The following SYNDIG1L variants were observed in gnomAD, a reference collection of about 807,000 sequenced individuals.
The protein encoded by SYNDIG1L is synapse differentiation inducing 1 like.
SYNDIG1L carries 13 observed loss-of-function variants against 20.1 expected under a neutral mutation model. The observed-to-expected ratio is 0.65, with a 90% CI of 0.42 to 1.03. The LOEUF (loss-of-function observed/expected upper bound fraction) is 1.03, where lower values mean the gene tolerates loss of function less well. SYNDIG1L is among the 50% of genes least tolerant of loss of function. The probability of loss-of-function intolerance (pLI) is 0.00; values close to 1 mark genes in which losing one functional copy is unlikely to be tolerated. For synonymous variants in SYNDIG1L, 128 were observed against 129.3 expected (o/e 0.99, Z 0.07); for missense variants, 294 against 305.1 (o/e 0.96, Z 0.27).
At chr14:74,420,187 A>G (rs2086210088) in intron 1 of SYNDIG1L, among the ~76,000 whole-genome samples, 1 of 151,982 alleles carries the variant, frequency 6.6e-6, no homozygotes, top group Non-Finnish European at 1.5e-5. Flanking sequence ...ACTTGAGGTC[A>G]GGAGTTTGAG....
chr14:74,452,555 T>C, the SYNDIG1L span, among the ~76,000 whole-genome samples: 1 of 152,242 alleles, frequency 6.6e-6, no homozygotes, highest in Non-Finnish European at 1.5e-5. Flanking sequence ...TCCCCAGCCA[T>C]GTGGAACTGT....
the SYNDIG1L span, chr14:74,471,863 T>C: frequency 6.6e-6 from 1 of 152,360 alleles, no homozygotes; most frequent in East Asian, 1.9e-4. Flanking sequence ...GTACCCATGG[T>C]TCTCTGACTC....
chr14:74,410,818 C>T (rs1343734806), intron 1 of SYNDIG1L, among the ~76,000 whole-genome samples: 1 of 152,158 alleles, frequency 6.6e-6, no homozygotes, highest in African/African-American at 2.4e-5. Context: ...AGGGATACAC[C>T]TTAGTAACTT....
At chr14:74,419,087 C>T (rs1214812574) in intron 1 of SYNDIG1L, among the ~76,000 whole-genome samples, 2 of 152,128 alleles carry the variant, frequency 1.3e-5, no homozygotes, top group Non-Finnish European at 2.9e-5. Context: ...CTTCACTTCC[C>T]ATCTCTGTTT....
intron 1 of SYNDIG1L, among the ~76,000 whole-genome samples, chr14:74,414,196 G>A (rs555562187): frequency 1.1e-4 from 17 of 152,350 alleles, no homozygotes; most frequent in East Asian, 7.7e-4. Flanking sequence ...GAGGACCTAC[G>A]GGTGAGTGTG....
At chr14:74,461,759 AT>A in the SYNDIG1L span, among the ~76,000 whole-genome samples, 2 of 150,682 alleles carry the variant, frequency 1.3e-5, no homozygotes, top group African/African-American at 4.9e-5. Context: ...TTACCCCAAA[AT>A]TTAGCAGCAT....
chr14:74,435,169 C>G, the SYNDIG1L span, among the ~76,000 whole-genome samples: 1 of 151,992 alleles, frequency 6.6e-6, no homozygotes, highest in Non-Finnish European at 1.5e-5. Flanking sequence ...CCTGGCCTTG[C>G]CCTCCATCCT....
At chr14:74,462,805 A>T in the SYNDIG1L span, among the ~76,000 whole-genome samples, 1 of 152,138 alleles carries the variant, frequency 6.6e-6, no homozygotes, top group South Asian at 2.1e-4. Context: ...ATGAGCCATT[A>T]TTCTTAGCCT....
chr14:74,458,887 T>G, the SYNDIG1L span, among the ~76,000 whole-genome samples: 1 of 152,220 alleles, frequency 6.6e-6, no homozygotes, highest in Admixed American at 6.5e-5. Context: ...CACTTTTCCC[T>G]GCACCCTCTG....
the SYNDIG1L span, among the ~76,000 whole-genome samples, chr14:74,438,290 G>A: frequency 6.6e-6 from 1 of 152,168 alleles, no homozygotes; most frequent in Non-Finnish European, 1.5e-5. Context: ...AAAACTTTTG[G>A]TTTCAGAGTA....
At chr14:74,422,186 C>T (rs1469253456) in intron 1 of SYNDIG1L, among the ~76,000 whole-genome samples, 6 of 152,132 alleles carry the variant, frequency 3.9e-5, no homozygotes, top group Admixed American at 6.5e-5. Flanking sequence ...TTTCAGCATC[C>T]GGCCCCACTC....
At chr14:74,470,504 G>A in the SYNDIG1L span, among the ~76,000 whole-genome samples, 149 of 152,304 alleles carry the variant, frequency 9.8e-4, 2 homozygotes, top group South Asian at 0.03. Flanking sequence ...AAATGAAGGC[G>A]GTAGGCATAG....
intron 2 of SYNDIG1L, among the ~76,000 whole-genome samples, chr14:74,408,359 T>C (rs1288689408): frequency 1.3e-5 from 2 of 151,094 alleles, no homozygotes; most frequent in African/African-American, 4.9e-5. Context: ...AGGTCAGGAG[T>C]TCGAGGCCAG....
At chr14:74,474,125 A>G in the SYNDIG1L span, 1 of 152,328 alleles carries the variant, frequency 6.6e-6, no homozygotes, top group Non-Finnish European at 1.5e-5. Context: ...TTGTATTTCC[A>G]AGCTACACAT....
At chr14:74,408,104 G>A (rs1414295992) in intron 2 of SYNDIG1L, 115 bp from the exon 3 acceptor site, 3 of 1,300,502 alleles carry the variant, frequency 2.3e-6, no homozygotes, top group African/African-American at 1.5e-5. Flanking sequence ...GCAACAAGCA[G>A]TCTCTTCTGC....
At chr14:74,475,148 T>C in the SYNDIG1L span, among the ~76,000 whole-genome samples, 1 of 151,974 alleles carries the variant, frequency 6.6e-6, no homozygotes, top group Non-Finnish European at 1.5e-5. Flanking sequence ...GACAAATGCA[T>C]GGCAAATGCC....
chr14:74,420,559 T>C (rs1175207617), intron 1 of SYNDIG1L, among the ~76,000 whole-genome samples: 1 of 151,882 alleles, frequency 6.6e-6, no homozygotes, highest in Non-Finnish European at 1.5e-5. Context: ...ACGACAAAAG[T>C]GACTCCCAGG....
chr14:74,408,135 G>T, intron 2 of SYNDIG1L, 146 bp from the exon 3 acceptor site: 1 of 961,038 alleles, frequency 1.0e-6, no homozygotes, highest in South Asian at 1.9e-5. Context: ...GATGTAGGCT[G>T]GCCTTGGCAC....
At chr14:74,475,842 G>A in the SYNDIG1L span, among the ~76,000 whole-genome samples, 5 of 152,218 alleles carry the variant, frequency 3.3e-5, no homozygotes, top group Non-Finnish European at 5.9e-5. Flanking sequence ...ACTAGAAAAC[G>A]ATTCATCTGT....
Sources: allele counts gnomAD v4.1 joint callset (sites outside exome capture counted in the v4.1 genomes callset), GRCh38; gene constraint gnomAD v4.1.1; transcripts MANE v1.5; gene names NCBI Gene and HGNC (gene_info 2026-07-23, HGNC 2026-07-21).